Variants in XKR6 observed in about 807,000 individuals in gnomAD.
XKR6 encodes XK-related protein 6.
A neutral mutation model predicts 56.7 loss-of-function variants in XKR6; 22 were observed. That is an observed-to-expected ratio of 0.39 (90% CI 0.28 to 0.55). XKR6 has a LOEUF of 0.55. XKR6 is among the 20% of genes least tolerant of loss of function. The pLI, the probability that XKR6 is intolerant of heterozygous loss-of-function variation, is 0.66. For missense variants in XKR6, 852 were observed against 889.0 expected (o/e 0.96, Z 0.53); for synonymous variants, 524 against 387.8 (o/e 1.35, Z -4.13).
intron 1 of XKR6, among the ~76,000 whole-genome samples, chr8:11,136,167 A>T (rs1360856474): frequency 1.3e-5 from 2 of 152,224 alleles, no homozygotes; most frequent in African/African-American, 4.8e-5. Flanking sequence ...GACTTTACGT[A>T]TAGGACTTAC....
At chr8:11,087,664 T>G (rs1317082724) in intron 1 of XKR6, among the ~76,000 whole-genome samples, 1 of 152,160 alleles carries the variant, frequency 6.6e-6, no homozygotes, top group Non-Finnish European at 1.5e-5. Context: ...AGCAAAAAGA[T>G]GGAGGGAACC....
chr8:11,027,331 A>G (rs1798893047), intron 1 of XKR6, among the ~76,000 whole-genome samples: 1 of 152,244 alleles, frequency 6.6e-6, no homozygotes, highest in African/African-American at 2.4e-5. Flanking sequence ...GTTAAATAAA[A>G]TATGTTATAG....
chr8:11,074,978 C>A (rs1586510626), intron 1 of XKR6, among the ~76,000 whole-genome samples: 3 of 152,168 alleles, frequency 2.0e-5, no homozygotes, highest in African/African-American at 7.2e-5. Flanking sequence ...GCAGACCAGA[C>A]CAGGACGCAG....
At chr8:11,081,674 C>A (rs968587320) in intron 1 of XKR6, among the ~76,000 whole-genome samples, 2 of 152,140 alleles carry the variant, frequency 1.3e-5, no homozygotes, top group African/African-American at 2.4e-5. Context: ...TTCTGATCAT[C>A]AAGTTGAAAG....
intron 1 of XKR6, among the ~76,000 whole-genome samples, chr8:11,011,719 C>G (rs892135415): frequency 6.6e-6 from 1 of 152,168 alleles, no homozygotes; most frequent in Non-Finnish European, 1.5e-5. Flanking sequence ...GCGGGAAGGC[C>G]TCAAAAGATG....
intron 1 of XKR6, among the ~76,000 whole-genome samples, chr8:11,151,963 C>A (rs114896630): frequency 6.6e-6 from 1 of 152,084 alleles, no homozygotes; most frequent in Non-Finnish European, 1.5e-5. Context: ...AAACTGAAGA[C>A]TGAATACTAC....
intron 1 of XKR6, among the ~76,000 whole-genome samples, chr8:10,966,443 G>A (rs968586329): frequency 6.6e-6 from 1 of 152,092 alleles, no homozygotes; most frequent in African/African-American, 2.4e-5. Context: ...GCCAAGGCAG[G>A]CGGGCGGATC....
At chr8:10,977,930 T>C (rs909074590) in intron 1 of XKR6, among the ~76,000 whole-genome samples, 1 of 152,152 alleles carries the variant, frequency 6.6e-6, no homozygotes, top group African/African-American at 2.4e-5. Context: ...ATACAGGCGA[T>C]GACTCCAGAA....
intron 1 of XKR6, chr8:11,136,811 A>T (rs1399029818): frequency 6.6e-6 from 1 of 152,212 alleles, no homozygotes; most frequent in African/African-American, 2.4e-5. Flanking sequence ...CACCCAGGCA[A>T]TGATATTTCT....
At chr8:11,080,457 G>A (rs1027429149) in intron 1 of XKR6, among the ~76,000 whole-genome samples, 1 of 152,194 alleles carries the variant, frequency 6.6e-6, no homozygotes, top group African/African-American at 2.4e-5. Flanking sequence ...GCTCATTGTA[G>A]AAATTTAACT....
chr8:11,123,954 C>A (rs779840218), intron 1 of XKR6: 6 of 456,110 alleles, frequency 1.3e-5, no homozygotes, highest in South Asian at 7.7e-5. Flanking sequence ...AGGATCGGCT[C>A]CAGTGCTACC....
At chr8:11,035,258 C>T (rs763022471) in intron 1 of XKR6, 1 of 534,792 alleles carries the variant, frequency 1.9e-6, no homozygotes, top group East Asian at 5.4e-5. Flanking sequence ...CCATTTCCAG[C>T]TCACACCATC....
rs575344260 is a variant in XKR6, at chr8:10,938,255, C to T, written c.765-13425G>A. On this transcript the variant is annotated intron_variant, in intron 1 of 2. Transcript: ENST00000416569. ...GGTGAGACAATGCCTCGCCCTGCTT[C>T]GGCTCGCGCACGGTGCGCGCACCCA... Among the ~76,000 whole-genome samples, 14 of 152,310 alleles carry T rather than the reference C, an allele frequency of 9.2e-5. 1 individual carries two copies. Among genetic ancestry groups the T allele is most frequent in the African/African-American group, 2.6e-4 (11 of 41,578 alleles).
chr8:10,930,533 G>C lies in XKR6; in HGVS notation c.765-5703C>G, dbSNP rs144088180. On this transcript the variant is annotated intron_variant, in intron 1 of 2. Transcript: ENST00000416569. ...ACAGACAACATCTCCCATAAACATA[G>C]ATGCAAAAATCTTCAACAAAATATT... Among the ~76,000 whole-genome samples, 555 of 152,272 alleles carry C rather than the reference G, an allele frequency of 3.6e-3. 4 individuals are homozygous for C. Among genetic ancestry groups the C allele is most frequent in the Non-Finnish European group, 5.3e-3 (362 of 68,004 alleles).
chr8:11,065,400 T>C (rs555479095), intron 1 of XKR6, among the ~76,000 whole-genome samples: 1 of 152,352 alleles, frequency 6.6e-6, no homozygotes, highest in East Asian at 1.9e-4. Context: ...CACCATTCGG[T>C]GGCTTCGTCA....
intron 1 of XKR6, among the ~76,000 whole-genome samples, chr8:11,197,944 G>A (rs766260935): frequency 7.2e-5 from 11 of 152,276 alleles, no homozygotes; most frequent in Middle Eastern, 3.4e-3. Context: ...CGGGTTAATG[G>A]AATCAGTTTT....
At chr8:11,085,199 C>G (rs1001655533) in intron 1 of XKR6, among the ~76,000 whole-genome samples, 4 of 152,220 alleles carry the variant, frequency 2.6e-5, no homozygotes, top group Admixed American at 6.5e-5. Context: ...ATCACACAGA[C>G]TTCCTCCCAT....
chr8:11,189,836 G>A (rs928257114), intron 1 of XKR6, among the ~76,000 whole-genome samples: 19 of 152,098 alleles, frequency 1.2e-4, no homozygotes, highest in African/African-American at 3.9e-4. Flanking sequence ...CTCCTCAAGT[G>A]ATTCTGATGC....
rs1291531902 is a variant in XKR6, at chr8:10,898,008, G to T, written c.1870C>A (p.Arg624=). ...TAGAGGAGTGGTCCGTCTCGATATC[G>T]AATGCCTACTGCGGTGGGGGTGACA... The part of the protein sequence containing the change: ...QYVTPTAVGI[R]YRDGPLLYEL... Residue 624 remains arginine, a synonymous_variant, in exon 3 of 3, where the codon CGA becomes AGA. Transcript: ENST00000416569. This position sits in a 1 kb window ranked among gnomAD's most constrained non-coding sequence, Gnocchi z 6.6. 3 of 1,611,972 alleles carry T rather than the reference G, an allele frequency of 1.9e-6. No homozygotes were observed. The highest frequency in any genetic ancestry group is 2.5e-6 in the Non-Finnish European group (3 of 1,179,206).
Sources: allele counts gnomAD v4.1 joint callset (sites outside exome capture counted in the v4.1 genomes callset), GRCh38; gene constraint gnomAD v4.1.1; non-coding constraint Gnocchi (gnomAD v3.1); transcripts MANE v1.5; gene names NCBI Gene and HGNC (gene_info 2026-07-23, HGNC 2026-07-21).